The following SPEF2 variants were observed in gnomAD, a reference collection of about 807,000 sequenced individuals.
SPEF2 encodes sperm flagella and cilia-associated protein 2.
In SPEF2, 187 loss-of-function variants were observed where a neutral mutation model predicts 224.6. The observed-to-expected ratio is 0.83, with a 90% confidence interval of 0.74 to 0.94. The LOEUF is 0.94. SPEF2 is among the 40% of genes least tolerant of loss of function. The pLI is 0.00. For missense variants in SPEF2, 2,170 were observed against 2,135.6 expected (o/e 1.02, Z -0.32); for synonymous variants, 715 against 707.3 (o/e 1.01, Z -0.17).
At chr5:35,806,473 G>A (rs1440603864) in intron 34 of SPEF2, among the ~76,000 whole-genome samples, 2 of 152,162 alleles carry the variant, frequency 1.3e-5, no homozygotes, top group African/African-American at 4.8e-5. Flanking sequence ...AGTTGTGTAG[G>A]ACACACCCCA....
At chr5:35,807,309 AGGAT>A in intron 36 of SPEF2, 56 bp downstream of exon 36, 1 of 1,566,608 alleles carries the variant, frequency 6.4e-7, no homozygotes, top group Middle Eastern at 1.7e-4. Flanking sequence ...AGGACATGCT[AGGAT>A]GTTTCTAAAT....
At chr5:35,661,449 G>T (rs1239822380) in intron 8 of SPEF2, among the ~76,000 whole-genome samples, 4 of 150,136 alleles carry the variant, frequency 2.7e-5, no homozygotes, top group Non-Finnish European at 4.4e-5. Flanking sequence ...TTAAGTTCAG[G>T]GGTATAAGTG....
At chr5:35,764,814 T>C (rs1332556594) in intron 26 of SPEF2, 5 of 434,892 alleles carry the variant, frequency 1.1e-5, no homozygotes, top group Middle Eastern at 3.8e-4. Flanking sequence ...CCTCCCTCTC[T>C]TTCTTTTGTT....
At chr5:35,733,165 A>G (rs1366970664) in intron 21 of SPEF2, among the ~76,000 whole-genome samples, 1 of 151,598 alleles carries the variant, frequency 6.6e-6, no homozygotes, top group Non-Finnish European at 1.5e-5. Flanking sequence ...CCCAGGCTGG[A>G]GTGCAGTGGC....
In SPEF2 at chr5:35,735,184, A is replaced by G. The variant is rs146417783; in HGVS notation, c.3064-4735A>G. Among the ~76,000 whole-genome samples, 641 of 152,318 alleles carry G rather than the reference A, an allele frequency of 4.2e-3. 6 individuals carry two copies. Among genetic ancestry groups the G allele is most frequent in the African/African-American group, 0.014 (601 of 41,560 alleles). On this transcript the variant is annotated intron_variant, in intron 21 of 36. Transcript: ENST00000356031. ...CCACAAAATTTCTAGTACCTAGGAA[A>G]GTACCTACCTACATAGGATGACCAC... is the stretch of plus-strand genomic sequence containing the variant.
intron 29 of SPEF2, among the ~76,000 whole-genome samples, chr5:35,778,308 C>T (rs939904601): frequency 6.6e-6 from 1 of 152,130 alleles, no homozygotes; most frequent in African/African-American, 2.4e-5. Context: ...TAACTATACC[C>T]CCAGTACAGT....
At chr5:35,781,384 A>C (rs957467902) in intron 30 of SPEF2, 3 of 152,202 alleles carry the variant, frequency 2.0e-5, no homozygotes, top group Non-Finnish European at 4.4e-5. Context: ...GAAATTGAAG[A>C]GGGTAAAGAG....
At chr5:35,759,503 A>G (rs1750924538) in intron 24 of SPEF2, 65 bp from the exon 25 acceptor site, 1 of 1,332,054 alleles carries the variant, frequency 7.5e-7, no homozygotes, top group Admixed American at 2.7e-5. Flanking sequence ...AGAGGCTTAT[A>G]TCGGAAATAT....
chr5:35,786,857 AT>A (rs1312223488), intron 30 of SPEF2, among the ~76,000 whole-genome samples: 5 of 152,208 alleles, frequency 3.3e-5, no homozygotes, highest in Non-Finnish European at 7.3e-5. Context: ...GAAGCACATT[AT>A]TTAGTTCTAG....
At chr5:35,720,207 C>T (rs1051509424) in intron 20 of SPEF2, among the ~76,000 whole-genome samples, 1 of 152,152 alleles carries the variant, frequency 6.6e-6, no homozygotes, top group African/African-American at 2.4e-5. Context: ...CAAACATGCT[C>T]CAAATTTTGA....
In SPEF2 at chr5:35,757,393, T is replaced by G. The variant is rs539878860; in HGVS notation, c.3469-2175T>G. On this transcript the variant is annotated intron_variant, in intron 24 of 36. Coordinates refer to ENST00000356031, the MANE Select transcript of SPEF2 (RefSeq NM_024867.4). ...CTAAACCTAATCATTATTAAGTAGT[T>G]TAGTTCTCTAAGTTAAGGAGGAAAT... Among the ~76,000 whole-genome samples the G allele has an allele frequency of 2.6e-5, 4 of 152,236 alleles. No homozygotes were observed. In the South Asian group the frequency reaches 8.3e-4, roughly 32 times the overall value.
At chr5:35,688,512 A>G (rs2149525335) in intron 10 of SPEF2, among the ~76,000 whole-genome samples, 1 of 152,280 alleles carries the variant, frequency 6.6e-6, no homozygotes, top group African/African-American at 2.4e-5. Context: ...CAAAATGATC[A>G]TATGCTTTTT....
chr5:35,660,420 T>C (rs1749548639), intron 8 of SPEF2, among the ~76,000 whole-genome samples: 1 of 152,252 alleles, frequency 6.6e-6, no homozygotes, highest in Non-Finnish European at 1.5e-5. Context: ...TGATACCCCA[T>C]GAAAGTGTAA....
At chr5:35,733,968 A>G (rs1215713974) in intron 21 of SPEF2, among the ~76,000 whole-genome samples, 2 of 152,194 alleles carry the variant, frequency 1.3e-5, no homozygotes, top group Non-Finnish European at 2.9e-5. Context: ...GAGTTAGTCC[A>G]CATAAAGCCC....
chr5:35,773,861 A>G lies in SPEF2; in HGVS notation c.3950-32A>G. 2 of 1,598,036 alleles carry G rather than the reference A, an allele frequency of 1.3e-6. 1 individual carries two copies. Among genetic ancestry groups the G allele is most frequent in the East Asian group, 4.5e-5 (2 of 44,690 alleles). ...TATGTGCACACCTTTGTATTTTGTTAGTTTACTCAGCATGTTTCATTGCCC... is the reference window on the plus strand; with the variant it reads ...TATGTGCACACCTTTGTATTTTGTTGGTTTACTCAGCATGTTTCATTGCCC... On this transcript the variant is annotated intron_variant, in intron 27 of 36. Transcript: ENST00000356031.
chr5:35,727,939 T>C, intron 21 of SPEF2, 116 bp downstream of exon 21: 1 of 1,102,078 alleles, frequency 9.1e-7, no homozygotes, highest in Non-Finnish European at 1.3e-6. Context: ...TATATATCTA[T>C]CCATCTGAGA....
At chr5:35,713,166 A>C (rs1191763152) in intron 20 of SPEF2, among the ~76,000 whole-genome samples, 1 of 152,156 alleles carries the variant, frequency 6.6e-6, no homozygotes, top group African/African-American at 2.4e-5. Context: ...TCCTTGGACT[A>C]AGCTGTGCCA....
At chr5:35,657,257 T>C (rs886558286) in intron 7 of SPEF2, among the ~76,000 whole-genome samples, 6 of 152,222 alleles carry the variant, frequency 3.9e-5, no homozygotes, top group African/African-American at 4.8e-5. Flanking sequence ...ATTCCTGTTT[T>C]AGTTTGGCTG....
At chr5:35,722,876 T>C (rs1580451629) in intron 20 of SPEF2, among the ~76,000 whole-genome samples, 1 of 152,074 alleles carries the variant, frequency 6.6e-6, no homozygotes, top group African/African-American at 2.4e-5. Flanking sequence ...ACTCACTGCT[T>C]CTCAAGTCCC....
Sources: allele counts gnomAD v4.1 joint callset (sites outside exome capture counted in the v4.1 genomes callset), GRCh38; gene constraint gnomAD v4.1.1; transcripts MANE v1.5; gene names NCBI Gene and HGNC (gene_info 2026-07-23, HGNC 2026-07-21).